Variants in NFATC2 observed in about 807,000 individuals in gnomAD.
NFATC2 encodes nuclear factor of activated T-cells, cytoplasmic 2.
In NFATC2, 22 loss-of-function variants were observed where a neutral mutation model predicts 87.3. That is an observed-to-expected ratio of 0.25 (90% CI 0.18 to 0.36). The LOEUF (loss-of-function observed/expected upper bound fraction) is 0.36. Among genes scored for constraint, NFATC2 ranks in the 10% least tolerant of loss-of-function variants. The pLI is 1.00. For synonymous variants in NFATC2, 565 were observed against 542.2 expected, an observed-to-expected ratio of 1.04 and a Z score of -0.58; for missense variants, 1,149 against 1,259.1, an observed-to-expected ratio of 0.91 and a Z score of 1.32.
chr20:51,552,041 G>A (rs1001119335), intron 1 of NFATC2, among the ~76,000 whole-genome samples: 1 of 141,400 alleles, frequency 7.1e-6, no homozygotes, highest in Non-Finnish European at 1.5e-5. Context: ...AAAAAAAAAT[G>A]TGTATTAAAA....
chr20:51,530,292 G>A (rs762409529), intron 1 of NFATC2, among the ~76,000 whole-genome samples: 11 of 152,096 alleles, frequency 7.2e-5, no homozygotes, highest in Non-Finnish European at 1.5e-4. Flanking sequence ...TCAGCCTCCT[G>A]AGTAGCTGGG....
chr20:51,398,960 T>C, intron 9 of NFATC2: 1 of 473,598 alleles, frequency 2.1e-6, no homozygotes, highest in South Asian at 3.1e-5. Flanking sequence ...CATTACATTA[T>C]GTGGGGTGTG....
At chr20:51,448,906 A>C (rs1258246946) in intron 6 of NFATC2, among the ~76,000 whole-genome samples, 2 of 152,202 alleles carry the variant, frequency 1.3e-5, no homozygotes, top group Non-Finnish European at 2.9e-5. Flanking sequence ...TGCTGCTATA[A>C]ATAAGATGCC....
chr20:51,416,526 G>T (rs1367940107), intron 9 of NFATC2, among the ~76,000 whole-genome samples: 1 of 152,174 alleles, frequency 6.6e-6, no homozygotes. Flanking sequence ...TCAAATCTGG[G>T]AGAGGCTACG....
At chr20:51,492,018 T>C (rs1346808445) in intron 3 of NFATC2, among the ~76,000 whole-genome samples, 2 of 151,680 alleles carry the variant, frequency 1.3e-5, no homozygotes, top group African/African-American at 4.8e-5. Flanking sequence ...CGGAGTGCCA[T>C]GAACACCCCT....
At chr20:51,460,452 A>G (rs1218642002) in intron 5 of NFATC2, among the ~76,000 whole-genome samples, 3 of 152,192 alleles carry the variant, frequency 2.0e-5, no homozygotes, top group Non-Finnish European at 2.9e-5. Flanking sequence ...CTTAATAAAC[A>G]TGGGTCAGCA....
In NFATC2 at chr20:51,550,132, C is replaced by T. The variant is rs2076920547; in HGVS notation, c.70+12428G>A. Among the ~76,000 whole-genome samples, 3 of 151,994 alleles carry T rather than the reference C, an allele frequency of 2.0e-5. No individual in the cohort carries two copies. In the South Asian group the frequency reaches 6.2e-4, roughly 32 times the overall value. On this transcript the variant is annotated intron_variant, in intron 1 of 10. Coordinates refer to the NFATC2 transcript ENST00000414705. Reference sequence around the variant, plus strand: ...GCTGAGGCAGGAGGATGGCCTGAGGCCAGGAGTTTGAGACCAGCCTAGGCA... The same window carrying T: ...GCTGAGGCAGGAGGATGGCCTGAGGTCAGGAGTTTGAGACCAGCCTAGGCA...
intron 3 of NFATC2, among the ~76,000 whole-genome samples, chr20:51,503,990 T>G (rs1046958131): frequency 2.0e-5 from 3 of 152,172 alleles, no homozygotes; most frequent in South Asian, 2.1e-4. Context: ...ATTACAAGCA[T>G]GCACCACCAC....
intron 3 of NFATC2, among the ~76,000 whole-genome samples, chr20:51,502,661 G>A (rs1172452423): frequency 2.6e-5 from 4 of 152,150 alleles, no homozygotes; most frequent in Non-Finnish European, 5.9e-5. Flanking sequence ...CTGATGGATA[G>A]AGGAAGGAGA....
At chr20:51,426,233 C>A (rs1981812398) in intron 9 of NFATC2, among the ~76,000 whole-genome samples, 1 of 152,214 alleles carries the variant, frequency 6.6e-6, no homozygotes, top group South Asian at 2.1e-4. Context: ...AATCCCAGCA[C>A]TTTGGGAGGC....
rs368903770 is a variant in NFATC2, at chr20:51,490,782, T to A, written c.1333-15122A>T. ...CCAGCTTGGGTAACATAAAAAAAAATTTAAAAATAAAATAATTATAAATGT... is the reference window on the plus strand; with the variant it reads ...CCAGCTTGGGTAACATAAAAAAAAAATTAAAAATAAAATAATTATAAATGT... On this transcript the variant is annotated intron_variant, in intron 3 of 10. Transcript: ENST00000371564. Among the ~76,000 whole-genome samples the A allele has an allele frequency of 2.3e-4, 35 of 151,698 alleles. No individual in the cohort carries two copies. The East Asian group carries it at 3.9e-3, about 17-fold the overall frequency.
At chr20:51,425,413 C>T (rs532467287) in intron 9 of NFATC2, among the ~76,000 whole-genome samples, 16 of 152,322 alleles carry the variant, frequency 1.1e-4, no homozygotes, top group African/African-American at 3.1e-4. Context: ...ATACTCAGAC[C>T]GGGCTCTCCA....
chr20:51,557,206 A>G (rs192332093), intron 1 of NFATC2, among the ~76,000 whole-genome samples: 8 of 152,274 alleles, frequency 5.3e-5, no homozygotes, highest in African/African-American at 1.4e-4. Flanking sequence ...TGAGAATCCA[A>G]TGTGATAATA....
chr20:51,465,850 C>T lies in NFATC2; in HGVS notation c.1708+8130G>A, dbSNP rs62229784. ...AATGTAACCTTTGTGAGGGCAGGGA[C>T]TTTGTTTTGTTCAGTGTTGCATCCC... On this transcript the variant is annotated intron_variant, in intron 5 of 10. Coordinates refer to ENST00000371564, the MANE Select transcript of NFATC2 (RefSeq NM_012340.5). Among the ~76,000 whole-genome samples the T allele has an allele frequency of 5.3e-3, 813 of 152,154 alleles. 4 individuals are homozygous for T. The highest frequency in any genetic ancestry group is 0.013 in the Admixed American group (194 of 15,286).
At chr20:51,458,471 T>A (rs1287382877) in intron 5 of NFATC2, among the ~76,000 whole-genome samples, 2 of 151,232 alleles carry the variant, frequency 1.3e-5, no homozygotes, top group African/African-American at 4.9e-5. Context: ...GGTCTGAGGG[T>A]CAGGACCCCA....
chr20:51,445,502 C>T (rs926480581), intron 6 of NFATC2, among the ~76,000 whole-genome samples: 1 of 152,210 alleles, frequency 6.6e-6, no homozygotes, highest in African/African-American at 2.4e-5. Flanking sequence ...ACAACGAATA[C>T]CTTTTTACTG....
At chr20:51,457,206 C>T (rs1409450719) in intron 5 of NFATC2, among the ~76,000 whole-genome samples, 1 of 152,244 alleles carries the variant, frequency 6.6e-6, no homozygotes, top group African/African-American at 2.4e-5. Context: ...GCAGCAGCTG[C>T]AGGTTCAGGC....
chr20:51,453,972 A>C lies in NFATC2; in HGVS notation c.1849+576T>G, dbSNP rs574019463. Among the ~76,000 whole-genome samples, 8 of 152,260 alleles carry C rather than the reference A, an allele frequency of 5.3e-5. No homozygotes were observed. In the East Asian group the frequency reaches 1.3e-3, roughly 26 times the overall value. The stretch of plus-strand genomic sequence containing the variant: ...AAGATTAATTAATCCTAGAAGTATA[A>C]GCTGATTCACTGCAGAACTACTTAT... On this transcript the variant is annotated intron_variant, in intron 6 of 10. Coordinates refer to ENST00000371564, the MANE Select transcript of NFATC2 (RefSeq NM_012340.5).
chr20:51,398,086 C>T (rs191432986), intron 10 of NFATC2, among the ~76,000 whole-genome samples: 106 of 152,182 alleles, frequency 7.0e-4, no homozygotes, highest in Middle Eastern at 3.4e-3. Context: ...GGGCTGATTT[C>T]AAATCCAGAA....
Sources: gnomAD v4.1 joint callset for allele counts (sites outside exome capture counted in the v4.1 genomes callset) on GRCh38, gnomAD v4.1.1 for gene constraint, MANE v1.5 for transcripts, NCBI Gene and HGNC (gene_info 2026-07-23, HGNC 2026-07-21) for gene names.